GALNT9: variants seen among roughly 807,000 people sequenced by gnomAD.
GALNT9 encodes the protein GalNAc transferase 9.
Under a neutral mutation model 63.1 loss-of-function variants are expected in GALNT9, and 47 were observed. That is an observed-to-expected ratio of 0.75 (90% CI 0.59 to 0.95). GALNT9 has a LOEUF of 0.95. Among genes scored for constraint, GALNT9 ranks in the 40% least tolerant of loss-of-function variants. GALNT9 has a pLI of 0.00. For missense variants in GALNT9, 829 were observed against 874.8 expected, an observed-to-expected ratio of 0.95 and a Z score of 0.66; for synonymous variants, 396 against 365.7, an observed-to-expected ratio of 1.08 and a Z score of -0.94.
Position 132,267,854 on chromosome 12 carries a change from G to GCA in GALNT9, c.420-5231_420-5230dup, listed in dbSNP as rs375981673. Among the ~76,000 whole-genome samples, 150 of 102,828 alleles carry GCA rather than the reference G, an allele frequency of 1.5e-3. 1 individual carries two copies. The highest frequency in any genetic ancestry group is 6.9e-3 in the African/African-American group (142 of 20,648). 67.5% of individuals were successfully genotyped at this position (102,828 alleles called of 152,430 possible). A position where few individuals can be genotyped will look rare whatever the true frequency, so the allele number is the denominator to read the frequency against. The stretch of plus-strand genomic sequence containing the variant: ...TCACACACATGCATACAACCCACAT[G>GCA]CACACACACACGCATACAACCCACA... On this transcript the variant is annotated intron_variant, in intron 2 of 10. Transcript: ENST00000328957.
chr12:132,319,962 C>T lies in GALNT9; in HGVS notation c.238+9004G>A, dbSNP rs1448731987. 6.6e-6 allele frequency among the ~76,000 whole-genome samples: 1 copy of T among 152,198 alleles called. No individual in the cohort carries two copies. Among genetic ancestry groups the T allele is most frequent in the Non-Finnish European group, 1.5e-5 (1 of 68,016 alleles). The stretch of plus-strand genomic sequence containing the variant: ...CTCCTAAGGAAAAGGGGGCGGCCAG[C>T]GGCCCCCACCGCTGGGTCACGCTAT... On this transcript the variant is annotated intron_variant, in intron 1 of 10. Transcript: ENST00000328957. This position sits in a 1 kb window ranked among gnomAD's most constrained non-coding sequence, Gnocchi z 5.2.
Position 132,296,208 on chromosome 12 carries a change from C to G in GALNT9, c.239-9778G>C, listed in dbSNP as rs994521371. On this transcript the variant is annotated intron_variant, in intron 1 of 10. Transcript: ENST00000328957. The surrounding 1 kb of genome is among the most constrained non-coding windows in gnomAD (Gnocchi z 4.2). Reference sequence around the variant, plus strand: ...ACGGCCTCCGAACAGGGAGAGTGTCCGTTTCTGTTGGTCTAAGCCACGCAG... The same window carrying G: ...ACGGCCTCCGAACAGGGAGAGTGTCGGTTTCTGTTGGTCTAAGCCACGCAG... Among the ~76,000 whole-genome samples, 1 of 152,256 alleles carries G rather than the reference C, an allele frequency of 6.6e-6. No homozygotes were observed. The highest frequency in any genetic ancestry group is 1.5e-5 in the Non-Finnish European group (1 of 68,046).
intron 9 of GALNT9, among the ~76,000 whole-genome samples, chr12:132,198,192 C>T (rs1266101151): frequency 3.3e-5 from 5 of 152,206 alleles, no homozygotes; most frequent in Non-Finnish European, 7.3e-5. Context: ...TCCCGGCTTG[C>T]ACAGCTGGCT....
intron 1 of GALNT9, among the ~76,000 whole-genome samples, chr12:132,326,514 G>A (rs1263320843): frequency 6.6e-6 from 1 of 152,224 alleles, no homozygotes; most frequent in African/African-American, 2.4e-5. Context: ...GAGGCAGGGT[G>A]TGGGAAGAAC....
At chr12:132,249,499 G>T (rs1878829578) in intron 5 of GALNT9, among the ~76,000 whole-genome samples, 1 of 152,234 alleles carries the variant, frequency 6.6e-6, no homozygotes, top group Non-Finnish European at 1.5e-5. Flanking sequence ...TCTGTCATTA[G>T]ATTTCGGCCA....
chr12:132,247,130 G>A (rs185441726), intron 6 of GALNT9, among the ~76,000 whole-genome samples: 54 of 151,156 alleles, frequency 3.6e-4, no homozygotes, highest in Non-Finnish European at 5.9e-4. Flanking sequence ...AAGCCCGGCC[G>A]AGCTCAGAGC....
In GALNT9 at chr12:132,285,276, T is replaced by C. The variant is rs1009852100; in HGVS notation, c.419+974A>G. Among the ~76,000 whole-genome samples the C allele has an allele frequency of 2.0e-5, 3 of 152,326 alleles. No homozygotes were observed. In the South Asian group the frequency reaches 6.2e-4, roughly 32 times the overall value. ...TGAGCGCCCGGCTTCTGCAGGACAA[T>C]GCCACCAGGGGCCCTCCCAGGGAGC... On this transcript the variant is annotated intron_variant, in intron 2 of 10. Transcript: ENST00000328957.
intron 1 of GALNT9, among the ~76,000 whole-genome samples, chr12:132,314,174 C>G (rs1470810665): frequency 7.8e-6 from 1 of 128,100 alleles, no homozygotes; most frequent in African/African-American, 3.0e-5. Flanking sequence ...ACCTACCCAC[C>G]ATCATCCATT....
chr12:132,235,517 G>T (rs1231845306), intron 6 of GALNT9, among the ~76,000 whole-genome samples: 5 of 152,192 alleles, frequency 3.3e-5, no homozygotes, highest in South Asian at 4.1e-4. Flanking sequence ...GTGGGGAAAG[G>T]TACCCGACCT....
rs1869195303 is a variant in GALNT9 at position 132,329,309 on chromosome 12, G to C, written c.-106C>G. ...GGGACCATGAGCCGCCCGGGGCTGC[G>C]GGGGCTGCGGGGCTCGGCCGGAGCT... is the stretch of plus-strand genomic sequence containing the variant. On this transcript the variant is annotated 5_prime_UTR_variant, in exon 1 of 11. Transcript: ENST00000328957. 7.0e-7 allele frequency: 1 copy of C among 1,421,770 alleles called. No homozygotes were observed. 88.1% of individuals were successfully genotyped at this position (1,421,770 alleles called of 1,614,324 possible).
Position 132,329,315 on chromosome 12 carries a change from T to G in GALNT9, c.-112A>C. The G allele has an allele frequency of 1.4e-6, 2 of 1,417,456 alleles. No individual in the cohort carries two copies. Among genetic ancestry groups the G allele is most frequent in the Non-Finnish European group, 9.3e-7 (1 of 1,077,818 alleles). The allele number at this position is 1,417,456 out of a possible 1,614,324, so 87.8% of individuals were successfully genotyped here. On this transcript the variant is annotated 5_prime_UTR_variant, in exon 1 of 11. Coordinates refer to ENST00000328957, the MANE Select transcript of GALNT9 (RefSeq NM_001122636.2). ...ATGAGCCGCCCGGGGCTGCGGGGGCTGCGGGGCTCGGCCGGAGCTGTCCCT... is the reference window on the plus strand; with the variant it reads ...ATGAGCCGCCCGGGGCTGCGGGGGCGGCGGGGCTCGGCCGGAGCTGTCCCT...
chr12:132,209,263 A>C (rs1034050194), intron 6 of GALNT9, among the ~76,000 whole-genome samples: 4 of 152,168 alleles, frequency 2.6e-5, no homozygotes, highest in Non-Finnish European at 5.9e-5. Context: ...GCGGTGGCTC[A>C]CGCCTGTAAT....
At chr12:132,291,588 G>A (rs142920455) in intron 1 of GALNT9, among the ~76,000 whole-genome samples, 1,234 of 100,846 alleles carry the variant, frequency 0.012, 20 homozygotes, top group African/African-American at 0.042. Flanking sequence ...CGTCCACACC[G>A]CCCACATCCA....
intron 6 of GALNT9, among the ~76,000 whole-genome samples, chr12:132,226,922 C>T (rs1246666905): frequency 2.0e-5 from 3 of 148,708 alleles, no homozygotes; most frequent in African/African-American, 5.0e-5. Flanking sequence ...CATATACATA[C>T]CCCACACACT....
At chr12:132,202,580 G>A (rs148334263) in intron 7 of GALNT9, among the ~76,000 whole-genome samples, 68 of 152,308 alleles carry the variant, frequency 4.5e-4, no homozygotes, top group African/African-American at 1.5e-3. Context: ...TTGGTGCTAC[G>A]TACACAAAGC....
chr12:132,280,670 AGC>A (rs1396815252), intron 2 of GALNT9: 15 of 152,442 alleles, frequency 9.8e-5, no homozygotes, highest in African/African-American at 3.4e-4. Flanking sequence ...CTCCTGAGCC[AGC>A]AGAGGAAGGA....
At chr12:132,305,698 C>T (rs557903221) in intron 1 of GALNT9, among the ~76,000 whole-genome samples, 26 of 152,318 alleles carry the variant, frequency 1.7e-4, no homozygotes, top group African/African-American at 5.5e-4. Context: ...GGTACATCCT[C>T]GCCTGGGCAC....
At chr12:132,308,943 A>G (rs1338967701) in intron 1 of GALNT9, among the ~76,000 whole-genome samples, 2 of 152,098 alleles carry the variant, frequency 1.3e-5, no homozygotes, top group Non-Finnish European at 2.9e-5. Context: ...TCCGTGCCTG[A>G]GAAGGCAGGA....
At chr12:132,267,404 G>A (rs1310472983) in intron 2 of GALNT9, among the ~76,000 whole-genome samples, 1 of 152,226 alleles carries the variant, frequency 6.6e-6, no homozygotes, top group African/African-American at 2.4e-5. Flanking sequence ...GAGGATGGGA[G>A]GTGAGCAGCC....
Sources: allele counts gnomAD v4.1 joint callset (sites outside exome capture counted in the v4.1 genomes callset), GRCh38; gene constraint gnomAD v4.1.1; non-coding constraint Gnocchi (gnomAD v3.1); transcripts MANE v1.5; gene names NCBI Gene and HGNC (gene_info 2026-07-23, HGNC 2026-07-21).